ANKRD6: variants seen among roughly 807,000 people sequenced by gnomAD.
ANKRD6 encodes the protein ankyrin repeat domain-containing protein 6.
Under a neutral mutation model 82.3 loss-of-function variants are expected in ANKRD6, and 56 were observed. That is an observed-to-expected ratio of 0.68 (90% confidence interval 0.55 to 0.85). ANKRD6 has a LOEUF of 0.85. Ranked by LOEUF, ANKRD6 falls within the 40% of genes least tolerant of loss-of-function variation. The pLI, the probability that ANKRD6 is intolerant of heterozygous loss-of-function variation, is 0.00. For missense variants in ANKRD6, 852 were observed against 907.6 expected (o/e 0.94, Z 0.79); for synonymous variants, 347 against 352.1 (o/e 0.99, Z 0.16).
intron 3 of ANKRD6, among the ~76,000 whole-genome samples, chr6:89,597,124 G>A (rs1302275054): frequency 6.6e-6 from 1 of 152,226 alleles, no homozygotes; most frequent in Non-Finnish European, 1.5e-5. Context: ...AACTATGACT[G>A]TTTTATGCAT....
rs889203445 is a variant in ANKRD6 at position 89,601,915 on chromosome 6, A to G, written c.220-1114A>G. 4 of 152,156 alleles carry G rather than the reference A, an allele frequency of 2.6e-5. No homozygotes were observed. The South Asian group carries it at 6.2e-4, about 24-fold the overall frequency. The allele number at this position is 152,156 out of a possible 1,614,324, so 9.4% of individuals were successfully genotyped here. A position where few individuals can be genotyped will look rare whatever the true frequency, so the allele number is the denominator to read the frequency against. ...TCTGTCCTCTTTTGGGCCAAGCACC[A>G]GGGACGCCCCAGAATGTTTTCTTTG... On this transcript the variant is annotated intron_variant, in intron 3 of 15. Transcript: ENST00000339746.
chr6:89,629,081 CTTAT>C (rs1806676454), intron 14 of ANKRD6, 27 bp from the exon 15 acceptor site: 1 of 1,594,640 alleles, frequency 6.3e-7, no homozygotes, highest in African/African-American at 1.4e-5. Context: ...CTTCTATGTA[CTTAT>C]TTGTGGGGTT....
chr6:89,498,095 G>A (rs1201484739), intron 1 of ANKRD6, among the ~76,000 whole-genome samples: 1 of 152,074 alleles, frequency 6.6e-6, no homozygotes, highest in Non-Finnish European at 1.5e-5. Context: ...TTTGAATTGT[G>A]GCAAATTTCA....
In ANKRD6 at chr6:89,618,029, C is replaced by A. The variant is rs1474086988; in HGVS notation, c.790C>A (p.Gln264Lys). The A allele has an allele frequency of 1.9e-6, 3 of 1,613,918 alleles. No individual in the cohort carries two copies. The highest frequency in any genetic ancestry group is 2.5e-6 in the Non-Finnish European group (3 of 1,179,890). Residue 264 changes from glutamine (Q) to lysine (K), a missense_variant and splice_region_variant, in exon 9 of 16, where the codon CAG (glutamine) becomes AAG (lysine). Transcript: ENST00000339746. ...EVALLLTKAP[Q>K]VLRFSRGRSL... ...TGCTCTTCTCCTTACTAAAGCTCCCCAGGTAGGATTTACTGCCCTTTCCAT... is the reference window on the plus strand; with the variant it reads ...TGCTCTTCTCCTTACTAAAGCTCCCAAGGTAGGATTTACTGCCCTTTCCAT...
intron 1 of ANKRD6, chr6:89,483,655 A>T (rs948112079): frequency 6.6e-6 from 1 of 152,230 alleles, no homozygotes; most frequent in Non-Finnish European, 1.5e-5. Flanking sequence ...TCTCTTTGGA[A>T]TGCGCTCTTT....
intron 1 of ANKRD6, among the ~76,000 whole-genome samples, chr6:89,438,723 A>T (rs1411874235): frequency 6.6e-6 from 1 of 151,878 alleles, no homozygotes; most frequent in East Asian, 1.9e-4. Context: ...GCTCACCACA[A>T]CCTCCACCAC....
chr6:89,539,593 A>G (rs1784229038), intron 1 of ANKRD6, among the ~76,000 whole-genome samples: 1 of 152,154 alleles, frequency 6.6e-6, no homozygotes, highest in African/African-American at 2.4e-5. Flanking sequence ...ATGTTTTGAT[A>G]TAGGCATGCA....
intron 2 of ANKRD6, among the ~76,000 whole-genome samples, chr6:89,581,125 A>G (rs1792425745): frequency 6.6e-6 from 1 of 152,162 alleles, no homozygotes; most frequent in Admixed American, 6.5e-5. Flanking sequence ...AAGTAGATGT[A>G]TCTCTGTGTG....
intron 2 of ANKRD6, among the ~76,000 whole-genome samples, chr6:89,587,229 G>A (rs1161742982): frequency 6.7e-6 from 1 of 148,670 alleles, no homozygotes. Flanking sequence ...AGTGCCTCAC[G>A]CCTGTAATCC....
chr6:89,476,448 C>T (rs1342803893), intron 1 of ANKRD6, among the ~76,000 whole-genome samples: 1 of 152,198 alleles, frequency 6.6e-6, no homozygotes, highest in Non-Finnish European at 1.5e-5. Flanking sequence ...TTTGACCTCC[C>T]AAAGTGCTGG....
rs528506162 is a variant in ANKRD6 at position 89,544,540 on chromosome 6, C to T, written c.-143-22294C>T. 2.6e-5 allele frequency among the ~76,000 whole-genome samples: 4 copies of T among 152,050 alleles called. 1 individual carries two copies. Among genetic ancestry groups the T allele is most frequent in the African/African-American group, 9.6e-5 (4 of 41,462 alleles). ...CCATCCTGGCTAGCACGGTGAAACC[C>T]CATCGCTACTAATAATACAAAAAAT... On this transcript the variant is annotated intron_variant, in intron 1 of 15. Coordinates refer to ENST00000339746, the MANE Select transcript of ANKRD6 (RefSeq NM_001242809.2).
chr6:89,481,470 C>T (rs1284965516), intron 1 of ANKRD6, among the ~76,000 whole-genome samples: 1 of 152,110 alleles, frequency 6.6e-6, no homozygotes, highest in African/African-American at 2.4e-5. Context: ...AATTCAAAAT[C>T]GGAAACACTT....
intron 2 of ANKRD6, among the ~76,000 whole-genome samples, chr6:89,568,562 GT>G (rs1182096825): frequency 6.6e-6 from 1 of 151,822 alleles, no homozygotes. Context: ...CCCCAAATTC[GT>G]TTTTTTCAAC....
intron 2 of ANKRD6, among the ~76,000 whole-genome samples, chr6:89,590,741 G>A (rs1335525279): frequency 1.3e-5 from 2 of 152,050 alleles, no homozygotes; most frequent in South Asian, 4.1e-4. Context: ...ATGCGGCTGA[G>A]CTCAGATGGC....
chr6:89,606,501 G>A (rs990869528), intron 5 of ANKRD6, among the ~76,000 whole-genome samples: 1 of 152,170 alleles, frequency 6.6e-6, no homozygotes, highest in Non-Finnish European at 1.5e-5. Flanking sequence ...TGCTGGGAAA[G>A]TGTGATACGA....
intron 1 of ANKRD6, among the ~76,000 whole-genome samples, chr6:89,487,233 C>T (rs1049279232): frequency 1.3e-5 from 2 of 152,124 alleles, no homozygotes; most frequent in African/African-American, 4.8e-5. Flanking sequence ...CAGAATAGAG[C>T]CTTACATAAA....
intron 2 of ANKRD6, among the ~76,000 whole-genome samples, chr6:89,589,952 T>A (rs1344300195): frequency 6.6e-6 from 1 of 152,204 alleles, no homozygotes; most frequent in Non-Finnish European, 1.5e-5. Context: ...CGGCCTCAGA[T>A]GGCCCAGCCT....
rs1006825796 is a variant in ANKRD6, at chr6:89,564,369, G to C, written c.-143-2465G>C. On this transcript the variant is annotated intron_variant, in intron 1 of 15. Coordinates refer to ENST00000339746, the MANE Select transcript of ANKRD6 (RefSeq NM_001242809.2). ...GCTTGGCCAATGTTTTCTCACCACT[G>C]TAGTATTTTTCTATCTTTAACCAAA... Among the ~76,000 whole-genome samples, 67 of 152,178 alleles carry C rather than the reference G, an allele frequency of 4.4e-4. 2 individuals carry two copies. Among genetic ancestry groups the C allele is most frequent in the Non-Finnish European group, 2.9e-5 (2 of 68,036 alleles).
At chr6:89,592,326 C>T (rs1027621937) in intron 2 of ANKRD6, among the ~76,000 whole-genome samples, 3 of 152,092 alleles carry the variant, frequency 2.0e-5, no homozygotes, top group African/African-American at 7.2e-5. Context: ...GGAAGGGAGA[C>T]CCATGCTAGA....
Sources: allele counts gnomAD v4.1 joint callset (sites outside exome capture counted in the v4.1 genomes callset), GRCh38; gene constraint gnomAD v4.1.1; transcripts MANE v1.5; gene names NCBI Gene and HGNC (gene_info 2026-07-23, HGNC 2026-07-21).